Variants in COMMD10 observed in about 807,000 individuals in gnomAD.
The protein encoded by COMMD10 is COMM domain containing 10.
COMMD10 carries 33 observed loss-of-function variants against 28.9 expected under a neutral mutation model. That is an observed-to-expected ratio of 1.14 (90% CI 0.87 to 1.53). The LOEUF (loss-of-function observed/expected upper bound fraction) is 1.53, where lower values mean the gene tolerates loss of function less well. Ranked by LOEUF, COMMD10 falls within the 40% of genes most tolerant of loss-of-function variation. The pLI is 0.00. For missense variants in COMMD10, 310 were observed against 233.4 expected (o/e 1.33, Z -2.14); for synonymous variants, 110 against 81.7 (o/e 1.35, Z -1.87).
chr5:116,209,224 G>C (rs532537461), intron 5 of COMMD10, among the ~76,000 whole-genome samples: 1 of 150,578 alleles, frequency 6.6e-6, no homozygotes, highest in Non-Finnish European at 1.5e-5. Context: ...TTTTAGTTTT[G>C]TTTTCCCCTG....
chr5:116,207,082 C>T (rs1217166032), intron 5 of COMMD10, among the ~76,000 whole-genome samples: 2 of 151,988 alleles, frequency 1.3e-5, no homozygotes, highest in African/African-American at 4.8e-5. Context: ...ATGTTTTTGT[C>T]CTTGAACTGA....
At chr5:116,222,340 A>G (rs1749281324) in intron 5 of COMMD10, among the ~76,000 whole-genome samples, 1 of 152,308 alleles carries the variant, frequency 6.6e-6, no homozygotes, top group Admixed American at 6.5e-5. Flanking sequence ...TCTCATCCTG[A>G]AATCTCTTTT....
chr5:116,238,082 T>C (rs1391703150), intron 5 of COMMD10, among the ~76,000 whole-genome samples: 1 of 152,112 alleles, frequency 6.6e-6, no homozygotes, highest in African/African-American at 2.4e-5. Context: ...GGTCTGAAAA[T>C]AGTAATGCCC....
chr5:116,183,063 T>G (rs2112599142), intron 5 of COMMD10, among the ~76,000 whole-genome samples: 1 of 152,282 alleles, frequency 6.6e-6, no homozygotes, highest in Non-Finnish European at 1.5e-5. Context: ...GAAACCGCTT[T>G]TCTTTGCAAA....
At chr5:116,189,504 C>T (rs996569476) in intron 5 of COMMD10, among the ~76,000 whole-genome samples, 1 of 152,168 alleles carries the variant, frequency 6.6e-6, no homozygotes, top group Non-Finnish European at 1.5e-5. Flanking sequence ...TCTGTTTCTT[C>T]AGCTTCATCA....
chr5:116,091,233 A>G (rs780739168), intron 3 of COMMD10, 44 bp downstream of exon 3: 2 of 1,045,732 alleles, frequency 1.9e-6, no homozygotes, highest in South Asian at 2.9e-5. Flanking sequence ...TTTGTTTACT[A>G]CATATTTGTA....
chr5:116,163,423 T>TAAAAAAAA lies in COMMD10; in HGVS notation c.510+29258_510+29265dup, dbSNP rs58449487. 4.5e-4 allele frequency among the ~76,000 whole-genome samples: 42 copies of TAAAAAAAA among 92,518 alleles called. 3 individuals are homozygous for TAAAAAAAA. Among genetic ancestry groups the TAAAAAAAA allele is most frequent in the African/African-American group, 2.0e-3 (38 of 18,964 alleles). The allele number at this position is 92,518 out of a possible 152,430, so 60.7% of individuals were successfully genotyped here. On this transcript the variant is annotated intron_variant, in intron 5 of 6. Transcript: ENST00000274458. ...AACATGGTGAAACCCCACCTCTACT[T>TAAAAAAAA]AAAAAAAAAAAAAAAAAAAAGCCAG...
chr5:116,153,122 A>G (rs1254790002), intron 5 of COMMD10, among the ~76,000 whole-genome samples: 2 of 152,154 alleles, frequency 1.3e-5, no homozygotes, highest in African/African-American at 4.8e-5. Flanking sequence ...CTAATTCTAT[A>G]TATTTTGGCT....
intron 4 of COMMD10, among the ~76,000 whole-genome samples, chr5:116,102,870 A>G (rs1375201012): frequency 1.4e-5 from 2 of 144,280 alleles, no homozygotes; most frequent in African/African-American, 2.6e-5. Context: ...CCTTATGTCC[A>G]TGTGTTCTCA....
At chr5:116,269,388 A>T (rs1225758227) in intron 5 of COMMD10, among the ~76,000 whole-genome samples, 1 of 151,906 alleles carries the variant, frequency 6.6e-6, no homozygotes, top group Non-Finnish European at 1.5e-5. Context: ...GAACCAAGTT[A>T]TACTGAGATC....
At chr5:116,258,295 C>T (rs1049523111) in intron 5 of COMMD10, among the ~76,000 whole-genome samples, 1 of 151,726 alleles carries the variant, frequency 6.6e-6, no homozygotes, top group African/African-American at 2.4e-5. Flanking sequence ...AGCACACTTA[C>T]TCTCTTCCTC....
Position 116,292,965 on chromosome 5 carries a change from T to C in COMMD10, c.*476T>C. On this transcript the variant is annotated 3_prime_UTR_variant, in exon 7 of 7. Coordinates refer to ENST00000274458, the MANE Select transcript of COMMD10 (RefSeq NM_016144.4). The stretch of plus-strand genomic sequence containing the variant: ...GGCATTTTTATTTGAATATGATGAG[T>C]ATATTTTGCTTCGGAAATAATATAG... The C allele has an allele frequency of 2.5e-6, 1 of 397,120 alleles. No individual in the cohort carries two copies. The allele number at this position is 397,120 out of a possible 1,614,324, so 24.6% of individuals were successfully genotyped here.
chr5:116,151,559 G>T (rs914049492), intron 5 of COMMD10, among the ~76,000 whole-genome samples: 13 of 152,062 alleles, frequency 8.5e-5, no homozygotes, highest in East Asian at 1.9e-4. Context: ...TATTCAGAGA[G>T]TCAACTTCTT....
At chr5:116,215,051 A>G (rs1749061497) in intron 5 of COMMD10, among the ~76,000 whole-genome samples, 1 of 152,072 alleles carries the variant, frequency 6.6e-6, no homozygotes, top group Non-Finnish European at 1.5e-5. Context: ...TGTTTTTCCT[A>G]AAAAGTAATC....
chr5:116,279,225 C>G (rs1751000810), intron 5 of COMMD10, among the ~76,000 whole-genome samples: 1 of 151,694 alleles, frequency 6.6e-6, no homozygotes, highest in Admixed American at 6.6e-5. Flanking sequence ...AGAGATGAGT[C>G]CGTAGGAATC....
chr5:116,277,750 G>T (rs989844741), intron 5 of COMMD10, among the ~76,000 whole-genome samples: 2 of 151,932 alleles, frequency 1.3e-5, no homozygotes, highest in Middle Eastern at 6.8e-3. Context: ...GCACACATTG[G>T]TTCTCTTTTC....
chr5:116,115,418 G>A (rs897471577), intron 4 of COMMD10, among the ~76,000 whole-genome samples: 2 of 152,128 alleles, frequency 1.3e-5, no homozygotes, highest in East Asian at 1.9e-4. Context: ...TTAAATGCCT[G>A]TGTTCTGTCT....
intron 5 of COMMD10, among the ~76,000 whole-genome samples, chr5:116,279,460 TC>T (rs1389634027): frequency 1.3e-5 from 2 of 151,854 alleles, no homozygotes; most frequent in African/African-American, 4.9e-5. Flanking sequence ...CTCAGGAGTT[TC>T]CGTTTGCCCA....
chr5:116,179,101 C>T (rs969719683), intron 5 of COMMD10, among the ~76,000 whole-genome samples: 1 of 151,984 alleles, frequency 6.6e-6, no homozygotes, highest in Non-Finnish European at 1.5e-5. Flanking sequence ...ATTATGTTAT[C>T]AAACACTGTG....
Sources: gnomAD v4.1 joint callset for allele counts (sites outside exome capture counted in the v4.1 genomes callset) on GRCh38, gnomAD v4.1.1 for gene constraint, MANE v1.5 for transcripts, NCBI Gene and HGNC (gene_info 2026-07-23, HGNC 2026-07-21) for gene names.